Variants in CENPP observed in about 807,000 individuals in gnomAD.
CENPP encodes the protein centromere protein P.
CENPP carries 24 observed loss-of-function variants against 35.6 expected under a neutral mutation model. The observed-to-expected ratio is 0.67, with a 90% confidence interval of 0.49 to 0.95. The LOEUF (loss-of-function observed/expected upper bound fraction) is 0.95, where lower values mean the gene tolerates loss of function less well. Ranked by LOEUF, CENPP falls within the 40% of genes least tolerant of loss-of-function variation. CENPP has a pLI of 0.00. For synonymous variants in CENPP, 120 were observed against 125.5 expected (o/e 0.96, Z 0.29); for missense variants, 332 against 345.3 (o/e 0.96, Z 0.31).
intron 4 of CENPP, among the ~76,000 whole-genome samples, chr9:92,364,312 T>C (rs1841834208): frequency 6.6e-6 from 1 of 152,276 alleles, no homozygotes; most frequent in Non-Finnish European, 1.5e-5. Context: ...GGATTACAGA[T>C]GTGAGCCACT....
intron 5 of CENPP, among the ~76,000 whole-genome samples, chr9:92,582,328 C>T (rs537881908): frequency 6.6e-6 from 1 of 152,138 alleles, no homozygotes; most frequent in African/African-American, 2.4e-5. Context: ...AAAGTGCTGG[C>T]ATTACAGGCA....
intron 5 of CENPP, among the ~76,000 whole-genome samples, chr9:92,463,949 G>A (rs1246711633): frequency 2.0e-5 from 3 of 152,172 alleles, no homozygotes; most frequent in African/African-American, 7.2e-5. Flanking sequence ...CAGCTTTACT[G>A]TGTCTTTTAA....
At chr9:92,344,701 C>T (rs1216066619) in intron 3 of CENPP, among the ~76,000 whole-genome samples, 1 of 151,752 alleles carries the variant, frequency 6.6e-6, no homozygotes, top group Non-Finnish European at 1.5e-5. Flanking sequence ...GCGCCTGCCA[C>T]GACGCCTAGC....
At chr9:92,375,022 GTGGA>G (rs1323002711) in intron 4 of CENPP, among the ~76,000 whole-genome samples, 1 of 152,184 alleles carries the variant, frequency 6.6e-6, no homozygotes, top group Non-Finnish European at 1.5e-5. Flanking sequence ...GTGTCTTGAT[GTGGA>G]TCTCTTTGAG....
chr9:92,382,379 G>A (rs926699434), intron 5 of CENPP, among the ~76,000 whole-genome samples: 1 of 151,950 alleles, frequency 6.6e-6, no homozygotes, highest in African/African-American at 2.4e-5. Flanking sequence ...GTTGGGAACC[G>A]TCAGTATCTT....
intron 5 of CENPP, among the ~76,000 whole-genome samples, chr9:92,496,733 T>G (rs1846365905): frequency 6.6e-6 from 1 of 152,156 alleles, no homozygotes; most frequent in Non-Finnish European, 1.5e-5. Context: ...CCAGAAGCAC[T>G]GAATGAAAAG....
chr9:92,564,975 T>C (rs575299901), intron 5 of CENPP, among the ~76,000 whole-genome samples: 2 of 152,328 alleles, frequency 1.3e-5, no homozygotes, highest in East Asian at 3.9e-4. Flanking sequence ...GGGTATTCAT[T>C]TGTAGTGTAT....
At chr9:92,432,185 C>T (rs1418664547) in intron 5 of CENPP, among the ~76,000 whole-genome samples, 3 of 152,050 alleles carry the variant, frequency 2.0e-5, no homozygotes, top group East Asian at 1.9e-4. Flanking sequence ...ATTAGCTGGG[C>T]GTGGTGATGG....
chr9:92,409,819 A>C lies in CENPP; in HGVS notation c.564+29960A>C, dbSNP rs1428168929. On this transcript the variant is annotated intron_variant, in intron 5 of 7. Transcript: ENST00000375587. ...CTATAAATATCAAATTAACTGGTTTAGTCTGTAGCTCCGATAGGTAACTGT... is the reference window on the plus strand; with the variant it reads ...CTATAAATATCAAATTAACTGGTTTCGTCTGTAGCTCCGATAGGTAACTGT... Among the ~76,000 whole-genome samples the C allele has an allele frequency of 5.3e-5, 8 of 152,356 alleles. No homozygotes were observed. The East Asian group carries it at 1.5e-3, about 29-fold the overall frequency.
rs144528320 is a variant in CENPP, at chr9:92,612,331, C to T, written c.645-192C>T. Among the ~76,000 whole-genome samples, 564 of 152,312 alleles carry T rather than the reference C, an allele frequency of 3.7e-3. 3 individuals carry two copies. Among genetic ancestry groups the T allele is most frequent in the African/African-American group, 0.013 (533 of 41,552 alleles). Reference sequence around the variant, plus strand: ...CTAATGTTTGCCAATGCAGTGGGGACAGAGCAGCACCTTCCTGTGATCCTG... The same window carrying T: ...CTAATGTTTGCCAATGCAGTGGGGATAGAGCAGCACCTTCCTGTGATCCTG... On this transcript the variant is annotated intron_variant, in intron 6 of 7. Transcript: ENST00000375587.
intron 5 of CENPP, among the ~76,000 whole-genome samples, chr9:92,582,983 GTGT>G (rs1372863828): frequency 6.6e-6 from 1 of 152,098 alleles, no homozygotes; most frequent in Non-Finnish European, 1.5e-5. Flanking sequence ...CTCCCAAAAG[GTGT>G]TGTCTTCTGC....
chr9:92,491,922 G>A (rs1173905190), intron 5 of CENPP, among the ~76,000 whole-genome samples: 1 of 152,070 alleles, frequency 6.6e-6, no homozygotes, highest in Non-Finnish European at 1.5e-5. Context: ...AGGAGCCCTC[G>A]TCTTGCCTCT....
At chr9:92,605,607 G>A (rs994134946) in intron 5 of CENPP, among the ~76,000 whole-genome samples, 6 of 152,104 alleles carry the variant, frequency 3.9e-5, no homozygotes, top group African/African-American at 7.2e-5. Flanking sequence ...ACAAAAGAAT[G>A]GAGCTGGACC....
At chr9:92,586,837 G>A (rs191117430) in intron 5 of CENPP, among the ~76,000 whole-genome samples, 14 of 152,276 alleles carry the variant, frequency 9.2e-5, no homozygotes, top group Non-Finnish European at 1.9e-4. Context: ...AAGTTGTTAA[G>A]CAGACAACTG....
At chr9:92,595,965 ATTAT>A (rs1443444311) in intron 5 of CENPP, among the ~76,000 whole-genome samples, 1 of 152,206 alleles carries the variant, frequency 6.6e-6, no homozygotes, top group African/African-American at 2.4e-5. Flanking sequence ...TAGTATAAAT[ATTAT>A]TTAAACTTTA....
At chr9:92,465,049 T>C in intron 5 of CENPP, 1 of 1,513,338 alleles carries the variant, frequency 6.6e-7, no homozygotes, top group Non-Finnish European at 9.2e-7. Context: ...GAGAATGACA[T>C]GACTTAGCAC....
chr9:92,542,903 A>T (rs1849348116), intron 5 of CENPP, among the ~76,000 whole-genome samples: 1 of 152,228 alleles, frequency 6.6e-6, no homozygotes, highest in Admixed American at 6.5e-5. Flanking sequence ...ATGGTGTCAG[A>T]TAAGGATCTA....
At chr9:92,426,465 C>T (rs977674530) in intron 5 of CENPP, among the ~76,000 whole-genome samples, 7 of 152,072 alleles carry the variant, frequency 4.6e-5, no homozygotes, top group Non-Finnish European at 7.3e-5. Flanking sequence ...GCTTGGGACT[C>T]AGCAGTGAAA....
intron 5 of CENPP, among the ~76,000 whole-genome samples, chr9:92,582,221 T>G (rs573763216): frequency 6.7e-4 from 102 of 152,090 alleles, no homozygotes; most frequent in Non-Finnish European, 9.7e-4. Flanking sequence ...GCCCGGCTAA[T>G]TTTTTTGTAT....
Sources: gnomAD v4.1 joint callset for allele counts (sites outside exome capture counted in the v4.1 genomes callset) on GRCh38, gnomAD v4.1.1 for gene constraint, MANE v1.5 for transcripts, NCBI Gene and HGNC (gene_info 2026-07-23, HGNC 2026-07-21) for gene names.